The following TOP3A variants were observed in gnomAD, a reference collection of about 807,000 sequenced individuals.
TOP3A encodes the protein DNA topoisomerase 3-alpha.
In TOP3A, 64 loss-of-function variants were observed where a neutral mutation model predicts 111.3. The ratio of observed to expected loss-of-function variants is 0.57; its 90% confidence interval spans 0.47 to 0.71. TOP3A has a LOEUF of 0.71. Ranked by LOEUF, TOP3A falls within the 30% of genes least tolerant of loss-of-function variation. The pLI is 0.00. For missense variants in TOP3A, 1,104 were observed against 1,285.0 expected (o/e 0.86, Z 2.15); for synonymous variants, 484 against 485.1 (o/e 1.00, Z 0.03).
intron 13 of TOP3A, 122 bp downstream of exon 13, chr17:18,290,435 T>C (rs377609548): frequency 1.7e-6 from 2 of 1,174,940 alleles, no homozygotes; most frequent in South Asian, 4.1e-5. Context: ...ATTTCAACTA[T>C]AAAATGGGAT....
At chr17:18,281,609 C>T (rs1275356926) in intron 16 of TOP3A, among the ~76,000 whole-genome samples, 1 of 152,188 alleles carries the variant, frequency 6.6e-6, no homozygotes, top group Admixed American at 6.5e-5. Context: ...AGTCATTGGG[C>T]TAAGCCTAGA....
At chr17:18,298,925 G>A (rs1216676275) in intron 9 of TOP3A, among the ~76,000 whole-genome samples, 2 of 151,218 alleles carry the variant, frequency 1.3e-5, no homozygotes, top group Non-Finnish European at 3.0e-5. Flanking sequence ...GCGGAAGGCC[G>A]CAGGGTCCTC....
chr17:18,278,384 A>C (rs1215808421), intron 17 of TOP3A, 27 bp from the exon 18 acceptor site: 5 of 1,500,142 alleles, frequency 3.3e-6, no homozygotes, highest in Non-Finnish European at 4.4e-6. Context: ...ATGAGAAAAA[A>C]CATTAACAAC....
intron 15 of TOP3A, among the ~76,000 whole-genome samples, chr17:18,284,176 T>TTA (rs1362109392): frequency 6.3e-5 from 9 of 143,210 alleles, no homozygotes; most frequent in African/African-American, 2.1e-4. Flanking sequence ...ATTTTTGTAT[T>TTA]TTTTTTTTTT....
chr17:18,302,015 T>G, intron 7 of TOP3A, 30 bp from the exon 8 acceptor site: 1 of 1,595,532 alleles, frequency 6.3e-7, no homozygotes, highest in South Asian at 1.1e-5. Context: ...ACAGAAAGGC[T>G]GTGTCTCAGA....
rs1267987413 is a variant in TOP3A at position 18,314,775 on chromosome 17, T to C, written c.4A>G (p.Ile2Val). 1.3e-6 allele frequency: 2 copies of C among 1,543,666 alleles called. No homozygotes were observed. Among genetic ancestry groups the C allele is most frequent in the African/African-American group, 2.8e-5 (2 of 72,606 alleles). Residue 2 changes from isoleucine (I) to valine (V), a missense_variant, in exon 1 of 19, where the codon ATC (isoleucine) becomes GTC (valine). Transcript: ENST00000321105. ...AGCGCGTAGCGGGCGACAGGAAAGATCATCCTCAGACCTCGCGCCCGGAGC... is the reference window on the plus strand; with the variant it reads ...AGCGCGTAGCGGGCGACAGGAAAGACCATCCTCAGACCTCGCGCCCGGAGC... The part of the protein sequence containing the change: M[I>V]FPVARYALRW...
chr17:18,289,439 T>C (rs1469230108), intron 13 of TOP3A, among the ~76,000 whole-genome samples: 2 of 152,198 alleles, frequency 1.3e-5, no homozygotes, highest in Non-Finnish European at 2.9e-5. Context: ...CATGCCTGGC[T>C]AATTTTTGTA....
chr17:18,285,110 G>A (rs1175967295), intron 15 of TOP3A, 32 bp downstream of exon 15: 1 of 1,607,656 alleles, frequency 6.2e-7, no homozygotes, highest in Non-Finnish European at 8.5e-7. Flanking sequence ...GCAACATAGT[G>A]AGACCCCTCT....
At chr17:18,276,090 A>C (rs1002587965) in intron 18 of TOP3A, among the ~76,000 whole-genome samples, 1 of 152,090 alleles carries the variant, frequency 6.6e-6, no homozygotes, top group Non-Finnish European at 1.5e-5. Context: ...AAGAATCCTA[A>C]GCTTTGGAGA....
rs1353666252 is a variant in TOP3A, at chr17:18,273,847, C to T, written c.*955G>A. On this transcript the variant is annotated 3_prime_UTR_variant, in exon 19 of 19. Transcript: ENST00000321105. ...CTATGTTGCCCAGGCTGGTCTTGAA[C>T]TCCTGATCTCAAGCAATCCTCCAGC... The T allele has an allele frequency of 6.6e-6, 1 of 152,276 alleles. No homozygotes were observed. Among genetic ancestry groups the T allele is most frequent in the Non-Finnish European group, 1.5e-5 (1 of 68,076 alleles). The allele number at this position is 152,276 out of a possible 1,614,324, so 9.4% of individuals were successfully genotyped here.
chr17:18,311,350 A>G (rs917670842), intron 1 of TOP3A, among the ~76,000 whole-genome samples: 18 of 146,264 alleles, frequency 1.2e-4, no homozygotes, highest in Non-Finnish European at 2.4e-4. Flanking sequence ...CTGTAATGTA[A>G]TGGCGCAATC....
intron 11 of TOP3A, among the ~76,000 whole-genome samples, chr17:18,291,958 C>T (rs759801781): frequency 3.3e-5 from 5 of 152,144 alleles, no homozygotes; most frequent in South Asian, 2.1e-4. Context: ...GTGATCTACC[C>T]GCCTTGTCCT....
chr17:18,296,173 G>A (rs1254754798), intron 9 of TOP3A, among the ~76,000 whole-genome samples: 1 of 152,144 alleles, frequency 6.6e-6, no homozygotes, highest in Non-Finnish European at 1.5e-5. Context: ...TCTCCTGGAG[G>A]GTGAAAATAA....
chr17:18,310,605 G>C (rs1356760633), intron 1 of TOP3A, among the ~76,000 whole-genome samples: 2 of 152,120 alleles, frequency 1.3e-5, no homozygotes, highest in Non-Finnish European at 2.9e-5. Flanking sequence ...ATTCGTGGTT[G>C]TGAGGGGCTG....
intron 4 of TOP3A, among the ~76,000 whole-genome samples, chr17:18,305,486 ACG>A (rs34041678): frequency 0.091 from 13,595 of 149,360 alleles, 818 homozygotes; most frequent in South Asian, 0.18. Context: ...ACACACACAC[ACG>A]CGCGCGCGCG....
In TOP3A at chr17:18,277,776, T is replaced by G. The variant is rs1344306490; in HGVS notation, c.2726A>C (p.Gln909Pro). The G allele has an allele frequency of 1.9e-6, 3 of 1,614,234 alleles. No homozygotes were observed. Among genetic ancestry groups the G allele is most frequent in the Non-Finnish European group, 2.5e-6 (3 of 1,180,040 alleles). ...CSQPSVTRTV[Q>P]KDGPNKGRQF... The stretch of plus-strand genomic sequence containing the variant: ...GCGCCCCTTGTTGGGTCCATCCTTC[T>G]GCACAGTCCGTGTGACGGAGGGCTG... The change falls in exon 18 of 19, where the codon CAG becomes CCG. Residue 909 changes from glutamine (Q) to proline (P), a missense_variant. Transcript: ENST00000321105.
At chr17:18,306,746 A>G in intron 4 of TOP3A, 145 bp downstream of exon 4, 1 of 624,846 alleles carries the variant, frequency 1.6e-6, no homozygotes, top group Non-Finnish European at 2.8e-6. Context: ...CATTTATACA[A>G]TGGGTGGGAA....
In TOP3A at chr17:18,277,764, G is replaced by C; in HGVS notation, c.2738C>G (p.Pro913Arg). Residue 913 changes from proline (P) to arginine (R), a missense_variant, in exon 18 of 19, where the codon CCC becomes CGC. Transcript: ENST00000321105. ...SVTRTVQKDGPNKGRQFHTCA... is the reference protein window; with the variant it reads ...SVTRTVQKDGRNKGRQFHTCA... ...TGTGTGGAACTGGCGCCCCTTGTTG[G>C]GTCCATCCTTCTGCACAGTCCGTGT... The C allele has an allele frequency of 6.2e-7, 1 of 1,614,192 alleles. No homozygotes were observed. Among genetic ancestry groups the C allele is most frequent in the Non-Finnish European group, 8.5e-7 (1 of 1,180,036 alleles).
In TOP3A at chr17:18,292,717, G is replaced by T. The variant is rs878963885; in HGVS notation, c.1209C>A (p.Thr403=). The part of the protein sequence containing the change: ...AQSILERGGP[T]PRNGNKSDQA... ...GGTCAGACTTGTTCCCATTGCGTGG[G>T]GTGGGACCACCCCGCTCTAGAATGC... Residue 403 remains threonine (T), a synonymous_variant, in exon 11 of 19, where the codon ACC becomes ACA. Coordinates refer to ENST00000321105, the MANE Select transcript of TOP3A (RefSeq NM_004618.5). 1 of 1,610,886 alleles carries T rather than the reference G, an allele frequency of 6.2e-7. No homozygotes were observed. Among genetic ancestry groups the T allele is most frequent in the South Asian group, 1.1e-5 (1 of 90,824 alleles).
Sources: allele counts gnomAD v4.1 joint callset (sites outside exome capture counted in the v4.1 genomes callset), GRCh38; gene constraint gnomAD v4.1.1; transcripts MANE v1.5; gene names NCBI Gene and HGNC (gene_info 2026-07-23, HGNC 2026-07-21).